Variants in BNC2 observed in about 807,000 individuals in gnomAD.
BNC2 encodes the protein basonuclin zinc finger protein 2.
In BNC2, 20 loss-of-function variants were observed where a neutral mutation model predicts 76.3. The observed-to-expected ratio is 0.26, with a 90% CI of 0.18 to 0.38. The LOEUF (loss-of-function observed/expected upper bound fraction) is 0.38. BNC2 is among the 10% of genes least tolerant of loss of function. The pLI, the probability that BNC2 is intolerant of heterozygous loss-of-function variation, is 1.00. For synonymous variants in BNC2, 582 were observed against 514.8 expected, an observed-to-expected ratio of 1.13 and a Z score of -1.77; for missense variants, 1,382 against 1,399.8, an observed-to-expected ratio of 0.99 and a Z score of 0.20.
chr9:16,793,982 G>C (rs940566012), intron 1 of BNC2, among the ~76,000 whole-genome samples: 1 of 151,008 alleles, frequency 6.6e-6, no homozygotes. Flanking sequence ...GATTACAGGC[G>C]TGAGCCACCG....
chr9:16,521,084 T>C (rs757301384), intron 5 of BNC2, among the ~76,000 whole-genome samples: 33 of 152,136 alleles, frequency 2.2e-4, no homozygotes, highest in Non-Finnish European at 4.4e-4. Flanking sequence ...GACAGGAGAA[T>C]CACTTAAAAA....
intron 1 of BNC2, among the ~76,000 whole-genome samples, chr9:16,743,918 T>TC (rs773269129): frequency 3.9e-5 from 6 of 152,084 alleles, no homozygotes; most frequent in Non-Finnish European, 5.9e-5. Flanking sequence ...TCGGTTTTTT[T>TC]CCCCTACCAT....
At chr9:16,494,040 C>A (rs898263213) in intron 5 of BNC2, among the ~76,000 whole-genome samples, 5 of 152,166 alleles carry the variant, frequency 3.3e-5, no homozygotes, top group Admixed American at 1.3e-4. Context: ...GTCCTAGGCA[C>A]TGGAGATACA....
Position 16,618,513 on chromosome 9 carries a change from C to T in BNC2, c.331-35428G>A, listed in dbSNP as rs74651314. Among the ~76,000 whole-genome samples, 40 of 152,222 alleles carry T rather than the reference C, an allele frequency of 2.6e-4. 1 individual carries two copies. The East Asian group carries it at 6.4e-3, about 24-fold the overall frequency. On this transcript the variant is annotated intron_variant, in intron 3 of 6. Coordinates refer to ENST00000380672, the MANE Select transcript of BNC2 (RefSeq NM_017637.6). ...GAGCTCTCCCTTTATTTACAGAATG[C>T]AATCAGCAGCAAGATCTGTAAATTT...
intron 1 of BNC2, among the ~76,000 whole-genome samples, chr9:16,851,174 C>G (rs1021080304): frequency 6.6e-5 from 10 of 152,148 alleles, no homozygotes; most frequent in Non-Finnish European, 1.5e-4. Context: ...TTAAGTTCTT[C>G]AAATGTTATA....
chr9:16,685,556 G>T (rs762876499), intron 3 of BNC2: 57 of 1,303,918 alleles, frequency 4.4e-5, no homozygotes, highest in Non-Finnish European at 5.7e-5. Flanking sequence ...TGGACTTCCA[G>T]CCTGTGGTAT....
chr9:16,578,966 C>G (rs898645360), intron 4 of BNC2, among the ~76,000 whole-genome samples: 12 of 152,006 alleles, frequency 7.9e-5, no homozygotes, highest in African/African-American at 2.9e-4. Context: ...TTATTACAGA[C>G]TAGGTATGGC....
intron 1 of BNC2, among the ~76,000 whole-genome samples, chr9:16,805,131 G>C (rs776199373): frequency 2.0e-5 from 3 of 152,048 alleles, no homozygotes; most frequent in Admixed American, 6.6e-5. Flanking sequence ...AAACTATCTC[G>C]AATCTTCAAA....
chr9:16,737,437 A>G (rs998631329), intron 2 of BNC2, among the ~76,000 whole-genome samples: 12 of 151,048 alleles, frequency 7.9e-5, no homozygotes, highest in Non-Finnish European at 1.6e-4. Context: ...TTTTTAGTAG[A>G]GACGAGGTTT....
At chr9:16,835,737 C>T (rs530503263) in intron 1 of BNC2, among the ~76,000 whole-genome samples, 7 of 152,144 alleles carry the variant, frequency 4.6e-5, no homozygotes, top group Non-Finnish European at 1.0e-4. Flanking sequence ...TAATATCTAT[C>T]TAGCAGAAAA....
intron 5 of BNC2, among the ~76,000 whole-genome samples, chr9:16,477,511 G>T (rs981169428): frequency 6.6e-6 from 1 of 151,918 alleles, no homozygotes; most frequent in Non-Finnish European, 1.5e-5. Flanking sequence ...TTAGTTATTT[G>T]TCTCTTACTC....
chr9:16,415,571 T>C lies in BNC2; in HGVS notation c.*3418A>G, dbSNP rs1366386500. On this transcript the variant is annotated 3_prime_UTR_variant, in exon 7 of 7. Transcript: ENST00000380672. ...CTATGAAAAAGCAAATGAGTAGGAA[T>C]GGGCAAAGATGAGCTCCATGACTAA... 2 of 152,290 alleles carry C rather than the reference T, an allele frequency of 1.3e-5. No homozygotes were observed. Among genetic ancestry groups the C allele is most frequent in the African/African-American group, 4.8e-5 (2 of 41,458 alleles). The allele number at this position is 152,290 out of a possible 1,614,324, so 9.4% of individuals were successfully genotyped here. A position where few individuals can be genotyped will look rare whatever the true frequency, so the allele number is the denominator to read the frequency against.
At chr9:16,867,768 T>C (rs1295543617) in intron 1 of BNC2, 2 of 139,894 alleles carry the variant, frequency 1.4e-5, no homozygotes, top group Non-Finnish European at 3.0e-5. Flanking sequence ...CCAACTTAAG[T>C]TGCTCTGCTA....
At chr9:16,446,539 T>C (rs114061726) in intron 5 of BNC2, among the ~76,000 whole-genome samples, 188 of 152,230 alleles carry the variant, frequency 1.2e-3, no homozygotes, top group African/African-American at 4.5e-3. Flanking sequence ...TATTCACAAG[T>C]TGAACAATAT....
chr9:16,542,723 C>A (rs534714508), intron 5 of BNC2, among the ~76,000 whole-genome samples: 1 of 152,296 alleles, frequency 6.6e-6, no homozygotes, highest in South Asian at 2.1e-4. Flanking sequence ...AAAGTATTGG[C>A]CCACATTTTG....
chr9:16,469,044 C>T (rs747131506), intron 5 of BNC2, among the ~76,000 whole-genome samples: 12 of 152,148 alleles, frequency 7.9e-5, no homozygotes, highest in Non-Finnish European at 1.8e-4. Flanking sequence ...AGCTTTTCAG[C>T]TTATGTGCTA....
chr9:16,753,359 T>C (rs930201080), intron 1 of BNC2, among the ~76,000 whole-genome samples: 1 of 152,196 alleles, frequency 6.6e-6, no homozygotes, highest in Non-Finnish European at 1.5e-5. Context: ...CTGTAAATCT[T>C]TGTAATGACA....
At chr9:16,810,402 C>T (rs76231760) in intron 1 of BNC2, among the ~76,000 whole-genome samples, 1,675 of 152,280 alleles carry the variant, frequency 0.011, 38 homozygotes, top group African/African-American at 0.038. Flanking sequence ...CACCTGGATA[C>T]CCACAGCCTA....
At chr9:16,815,569 C>T (rs760470107) in intron 1 of BNC2, among the ~76,000 whole-genome samples, 10 of 152,178 alleles carry the variant, frequency 6.6e-5, no homozygotes, top group Non-Finnish European at 1.5e-4. Context: ...AGAGTTCAGC[C>T]TTTGGTGATG....
Sources: allele counts gnomAD v4.1 joint callset (sites outside exome capture counted in the v4.1 genomes callset), GRCh38; gene constraint gnomAD v4.1.1; transcripts MANE v1.5; gene names NCBI Gene and HGNC (gene_info 2026-07-23, HGNC 2026-07-21).